The following HIRA variants were observed in gnomAD, a reference collection of about 807,000 sequenced individuals.
HIRA encodes the protein histone cell cycle regulator.
In HIRA, 13 loss-of-function variants were observed where a neutral mutation model predicts 126.6. The ratio of observed to expected loss-of-function variants is 0.10; its 90% CI spans 0.07 to 0.16. HIRA has a LOEUF of 0.16. HIRA is among the 10% of genes least tolerant of loss of function. HIRA has a pLI of 1.00. For synonymous variants in HIRA, 511 were observed against 520.0 expected, an observed-to-expected ratio of 0.98 and a Z score of 0.24; for missense variants, 834 against 1,314.4, an observed-to-expected ratio of 0.63 and a Z score of 5.65.
At chr22:19,375,294 T>C (rs2089007188) in intron 15 of HIRA, among the ~76,000 whole-genome samples, 1 of 152,174 alleles carries the variant, frequency 6.6e-6, no homozygotes, top group Non-Finnish European at 1.5e-5. Flanking sequence ...CCTCTCCAAC[T>C]AATCTCATGC....
chr22:19,382,288 T>C (rs1031360230), intron 13 of HIRA, among the ~76,000 whole-genome samples: 1 of 152,170 alleles, frequency 6.6e-6, no homozygotes, highest in Non-Finnish European at 1.5e-5. Flanking sequence ...AGGTAACGCC[T>C]GGAAGGATCC....
chr22:19,348,737 CG>C (rs2088718844), intron 24 of HIRA, among the ~76,000 whole-genome samples: 2 of 151,724 alleles, frequency 1.3e-5, no homozygotes, highest in Non-Finnish European at 2.9e-5. Context: ...CCTCATGATC[CG>C]ACCCCCTTGG....
intron 8 of HIRA, 121 bp downstream of exon 8, chr22:19,394,221 T>C: frequency 8.2e-7 from 1 of 1,213,142 alleles, no homozygotes; most frequent in Non-Finnish European, 1.1e-6. Context: ...ATCAACCAAG[T>C]ACATACTCTA....
At chr22:19,336,887 C>T (rs1250677511) in intron 24 of HIRA, among the ~76,000 whole-genome samples, 7 of 152,208 alleles carry the variant, frequency 4.6e-5, no homozygotes, top group African/African-American at 1.7e-4. Context: ...ATAATCTCAA[C>T]AGCAGCCTCT....
rs782785624 is a variant in HIRA at position 19,351,569 on chromosome 22, C to A, written c.2849-123G>T. On this transcript the variant is annotated intron_variant, in intron 23 of 24. Coordinates refer to ENST00000263208, the MANE Select transcript of HIRA (RefSeq NM_003325.4). This position sits in a 1 kb window ranked among gnomAD's most constrained non-coding sequence, Gnocchi z 4.8. Reference sequence around the variant, plus strand: ...TCTATCAAATCAGAATAAACACATGCGTATTTTATTGCCTACTATGGGCAA... The same window carrying A: ...TCTATCAAATCAGAATAAACACATGAGTATTTTATTGCCTACTATGGGCAA... 7.9e-6 allele frequency: 6 copies of A among 761,632 alleles called. No individual in the cohort carries two copies. The highest frequency in any genetic ancestry group is 1.3e-5 in the Non-Finnish European group (6 of 472,296). The allele number at this position is 761,632 out of a possible 1,614,324, so 47.2% of individuals were successfully genotyped here.
At chr22:19,342,375 C>A (rs1179318332) in intron 24 of HIRA, among the ~76,000 whole-genome samples, 2 of 152,118 alleles carry the variant, frequency 1.3e-5, no homozygotes, top group African/African-American at 4.8e-5. Context: ...AGTACAACCA[C>A]CGTGGAAAAC....
intron 1 of HIRA, among the ~76,000 whole-genome samples, chr22:19,413,058 G>T (rs527860859): frequency 6.6e-6 from 1 of 152,094 alleles, no homozygotes; most frequent in Non-Finnish European, 1.5e-5. Context: ...CTGAGGGGAC[G>T]CACGGCATGG....
intron 9 of HIRA, among the ~76,000 whole-genome samples, chr22:19,391,537 A>C (rs955687343): frequency 1.4e-5 from 2 of 146,230 alleles, no homozygotes; most frequent in African/African-American, 5.1e-5. Flanking sequence ...GCTGGAGTGC[A>C]GTGGCGCGGT....
chr22:19,343,091 CA>C (rs1462015316), intron 24 of HIRA, among the ~76,000 whole-genome samples: 8 of 151,982 alleles, frequency 5.3e-5, no homozygotes, highest in African/African-American at 1.7e-4. Flanking sequence ...TTTGGGGACT[CA>C]GGGGGAAGGG....
Position 19,361,269 on chromosome 22 carries a change from T to C in HIRA, c.2053A>G (p.Ile685Val). ...GTGAATGCTCTCTGGGGGCTTGGAATTGGCAGCTTCAGTGCAAGTGCTGGT... is the reference window on the plus strand; with the variant it reads ...GTGAATGCTCTCTGGGGGCTTGGAACTGGCAGCTTCAGTGCAAGTGCTGGT... ...SAPALALKLPIPSPQRAFTLQ... is the reference protein window; with the variant it reads ...SAPALALKLPVPSPQRAFTLQ... Residue 685 changes from isoleucine to valine, a missense_variant, in exon 17 of 25, where the codon ATT becomes GTT. Around this residue, in one of 5 missense-constraint regions of HIRA, gnomAD observed 468 missense variants for 574.2 expected, o/e 0.82. Transcript: ENST00000263208. 1 of 1,614,154 alleles carries C rather than the reference T, an allele frequency of 6.2e-7. No individual in the cohort carries two copies. The highest frequency in any genetic ancestry group is 8.5e-7 in the Non-Finnish European group (1 of 1,180,014).
At chr22:19,389,679 G>A (rs1288092326) in intron 9 of HIRA, among the ~76,000 whole-genome samples, 3 of 152,064 alleles carry the variant, frequency 2.0e-5, no homozygotes, top group Non-Finnish European at 2.9e-5. Context: ...GAAATCTACA[G>A]GCCGTGTGAC....
At chr22:19,406,567 C>T (rs572772920) in intron 4 of HIRA, among the ~76,000 whole-genome samples, 1 of 152,270 alleles carries the variant, frequency 6.6e-6, no homozygotes, top group South Asian at 2.1e-4. Context: ...CATCACAAAT[C>T]CACAGAAAGA....
At chr22:19,355,978 T>C (rs1601813201) in intron 20 of HIRA, 113 bp from the exon 21 acceptor site, 2 of 791,626 alleles carry the variant, frequency 2.5e-6, no homozygotes, top group Non-Finnish European at 4.2e-6. Flanking sequence ...AGCAAATGCA[T>C]CAACACTGCC....
intron 1 of HIRA, among the ~76,000 whole-genome samples, chr22:19,428,977 C>T (rs768374526): frequency 3.3e-5 from 5 of 152,014 alleles, no homozygotes; most frequent in South Asian, 2.1e-4. Flanking sequence ...AAGGCCTGCT[C>T]GGTAGTGATT....
intron 8 of HIRA, among the ~76,000 whole-genome samples, chr22:19,392,841 T>C (rs150597303): frequency 6.6e-5 from 10 of 152,236 alleles, no homozygotes; most frequent in African/African-American, 2.4e-4. Flanking sequence ...GAGTAACTTG[T>C]CTTTGTTTCT....
chr22:19,351,902 G>A lies in HIRA; in HGVS notation c.2849-456C>T, dbSNP rs1403244412. On this transcript the variant is annotated intron_variant, in intron 23 of 24. Coordinates refer to ENST00000263208, the MANE Select transcript of HIRA (RefSeq NM_003325.4). The surrounding 1 kb of genome is among the most constrained non-coding windows in gnomAD (Gnocchi z 4.8). ...GGCATGACTGAAGAGGGGCAACTGA[G>A]TGGAGGGGGCATAGGTCCATTAACT... Among the ~76,000 whole-genome samples the A allele has an allele frequency of 6.6e-6, 1 of 152,162 alleles. No homozygotes were observed. Among genetic ancestry groups the A allele is most frequent in the Non-Finnish European group, 1.5e-5 (1 of 68,036 alleles).
chr22:19,431,309 G>A, intron 1 of HIRA, 131 bp downstream of exon 1: 7 of 1,027,914 alleles, frequency 6.8e-6, no homozygotes, highest in East Asian at 2.7e-5. Flanking sequence ...CGCTCCCGCC[G>A]GCTTCTTGGC....
intron 1 of HIRA, among the ~76,000 whole-genome samples, chr22:19,426,110 A>ACCT (rs1222861792): frequency 1.3e-5 from 2 of 152,046 alleles, no homozygotes; most frequent in African/African-American, 4.8e-5. Flanking sequence ...CATTAATTCT[A>ACCT]CCTCTACCCT....
At chr22:19,390,885 CTGTCAGCAACACG>C in intron 9 of HIRA, among the ~76,000 whole-genome samples, 1 of 152,088 alleles carries the variant, frequency 6.6e-6, no homozygotes, top group South Asian at 2.1e-4. Flanking sequence ...GCGTAAACAC[CTGTCAGCAACACG>C]TGTCAGCAAT....
Sources: allele counts gnomAD v4.1 joint callset (sites outside exome capture counted in the v4.1 genomes callset), GRCh38; gene constraint gnomAD v4.1.1; regional missense constraint gnomAD v4.1.1; non-coding constraint Gnocchi (gnomAD v3.1); transcripts MANE v1.5; gene names NCBI Gene and HGNC (gene_info 2026-07-23, HGNC 2026-07-21).